The following RGS6 variants were observed in gnomAD, a reference collection of about 807,000 sequenced individuals.
The protein encoded by RGS6 is regulator of G-protein signaling 6.
RGS6 carries 30 observed loss-of-function variants against 78.5 expected under a neutral mutation model. The observed-to-expected ratio is 0.38, with a 90% CI of 0.29 to 0.52. RGS6 has a LOEUF of 0.52. Among genes scored for constraint, RGS6 ranks in the 20% least tolerant of loss-of-function variants. The pLI is 0.85. For synonymous variants in RGS6, 206 were observed against 206.0 expected (o/e 1.00, Z 0.00); for missense variants, 495 against 609.7 (o/e 0.81, Z 1.98).
chr14:72,038,044 A>C (rs1307541885), intron 2 of RGS6, among the ~76,000 whole-genome samples: 3 of 151,726 alleles, frequency 2.0e-5, no homozygotes, highest in Non-Finnish European at 2.9e-5. Context: ...AATCTCAGTC[A>C]CTGCAACCTC....
intron 17 of RGS6, among the ~76,000 whole-genome samples, chr14:72,556,609 C>T (rs929721565): frequency 7.5e-6 from 1 of 132,924 alleles, no homozygotes; most frequent in Admixed American, 8.0e-5. Flanking sequence ...CCAGTGTTTA[C>T]CAGGCAGAGC....
At chr14:72,303,968 G>A (rs867372716) in intron 2 of RGS6, among the ~76,000 whole-genome samples, 1 of 152,104 alleles carries the variant, frequency 6.6e-6, no homozygotes, top group Non-Finnish European at 1.5e-5. Context: ...AAAGAGAAAG[G>A]CTCCCTACTT....
intron 2 of RGS6, among the ~76,000 whole-genome samples, chr14:72,240,106 C>T (rs1009070831): frequency 2.0e-5 from 3 of 152,142 alleles, no homozygotes; most frequent in Non-Finnish European, 4.4e-5. Flanking sequence ...TGGGGAGGTA[C>T]TAGAGTCCAT....
chr14:72,526,078 C>T (rs927943645), intron 15 of RGS6, among the ~76,000 whole-genome samples: 3 of 151,882 alleles, frequency 2.0e-5, no homozygotes, highest in African/African-American at 7.3e-5. Context: ...CCATGACCTC[C>T]TTGAGGAGGA....
chr14:72,059,661 T>G (rs1241371968), intron 2 of RGS6, among the ~76,000 whole-genome samples: 1 of 151,954 alleles, frequency 6.6e-6, no homozygotes, highest in East Asian at 1.9e-4. Flanking sequence ...TAACCCCCAG[T>G]GTGATGGTAT....
chr14:72,350,685 T>C (rs570557124), intron 2 of RGS6, among the ~76,000 whole-genome samples: 23 of 152,312 alleles, frequency 1.5e-4, no homozygotes, highest in African/African-American at 4.8e-4. Context: ...ACTAGACATG[T>C]AGCATGACAG....
intron 2 of RGS6, among the ~76,000 whole-genome samples, chr14:72,219,701 T>G (rs1238872782): frequency 2.0e-5 from 3 of 152,220 alleles, no homozygotes; most frequent in African/African-American, 7.2e-5. Context: ...CTATATGTTT[T>G]AATACTCAAA....
At chr14:72,520,492 A>G (rs544478905) in intron 15 of RGS6, among the ~76,000 whole-genome samples, 38 of 152,328 alleles carry the variant, frequency 2.5e-4, no homozygotes, top group African/African-American at 8.7e-4. Context: ...ATTGATGTCT[A>G]TCGCTTATAT....
At chr14:72,177,202 T>A (rs1031136534) in intron 2 of RGS6, among the ~76,000 whole-genome samples, 74 of 152,220 alleles carry the variant, frequency 4.9e-4, no homozygotes, top group African/African-American at 1.6e-3. Context: ...CTTGTGCATA[T>A]CTTTTGGTGG....
At chr14:71,953,484 T>G (rs2092524433) in intron 1 of RGS6, among the ~76,000 whole-genome samples, 1 of 151,854 alleles carries the variant, frequency 6.6e-6, no homozygotes, top group South Asian at 2.1e-4. Context: ...TTCTTTCAAC[T>G]TTTTTTTCAA....
chr14:72,484,259 G>A (rs2096444782), intron 12 of RGS6, among the ~76,000 whole-genome samples: 1 of 152,208 alleles, frequency 6.6e-6, no homozygotes, highest in African/African-American at 2.4e-5. Flanking sequence ...AGGACTAATG[G>A]TCGTATCCCA....
intron 2 of RGS6, among the ~76,000 whole-genome samples, chr14:72,332,769 A>G (rs534417182): frequency 6.9e-4 from 105 of 152,286 alleles, no homozygotes; most frequent in Non-Finnish European, 1.2e-3. Flanking sequence ...CAAGAGATGG[A>G]GGCATCTGGG....
intron 2 of RGS6, among the ~76,000 whole-genome samples, chr14:72,253,771 TGAGCATCGGCCA>T (rs2153849892): frequency 6.6e-6 from 1 of 152,312 alleles, no homozygotes; most frequent in East Asian, 1.9e-4. Flanking sequence ...ATTAGAGAGC[TGAGCATCGGCCA>T]ACCTATGCTG....
intron 2 of RGS6, among the ~76,000 whole-genome samples, chr14:72,130,892 A>C (rs1327023787): frequency 1.3e-5 from 2 of 152,190 alleles, no homozygotes; most frequent in Admixed American, 1.3e-4. Flanking sequence ...GGGGGATAGG[A>C]GGGTGATGGG....
At chr14:72,396,212 A>G (rs1394693582) in intron 3 of RGS6, among the ~76,000 whole-genome samples, 1 of 152,146 alleles carries the variant, frequency 6.6e-6, no homozygotes, top group African/African-American at 2.4e-5. Context: ...CTGACTTTTT[A>G]ATGATTTTCA....
the RGS6 span, among the ~76,000 whole-genome samples, chr14:72,598,264 C>T: frequency 6.6e-6 from 1 of 152,202 alleles, no homozygotes; most frequent in African/African-American, 2.4e-5. Context: ...GATTCTTCAG[C>T]TCTATTTCCA....
At chr14:72,166,570 GGTCT>G (rs1405985511) in intron 2 of RGS6, among the ~76,000 whole-genome samples, 2 of 152,134 alleles carry the variant, frequency 1.3e-5, no homozygotes, top group Non-Finnish European at 2.9e-5. Context: ...GTACTACTGA[GGTCT>G]GTCTGTGTTA....
At chr14:72,405,178 C>G (rs575050641) in intron 3 of RGS6, among the ~76,000 whole-genome samples, 1 of 152,284 alleles carries the variant, frequency 6.6e-6, no homozygotes, top group East Asian at 1.9e-4. Context: ...GTGGCACCAG[C>G]AAAGTGGCAG....
intron 2 of RGS6, among the ~76,000 whole-genome samples, chr14:72,295,893 T>C (rs561192283): frequency 6.6e-6 from 1 of 152,378 alleles, no homozygotes. Flanking sequence ...TACATTTACA[T>C]ACAGTGAAAT....
Sources: allele counts gnomAD v4.1 joint callset (sites outside exome capture counted in the v4.1 genomes callset), GRCh38; gene constraint gnomAD v4.1.1; transcripts MANE v1.5; gene names NCBI Gene and HGNC (gene_info 2026-07-23, HGNC 2026-07-21).